Variants in NPAS2 observed in about 807,000 individuals in gnomAD.
NPAS2 encodes neuronal PAS domain protein 2.
Under a neutral mutation model 107.5 loss-of-function variants are expected in NPAS2, and 23 were observed. That is an observed-to-expected ratio of 0.21 (90% CI 0.15 to 0.30). NPAS2 has a LOEUF of 0.30. NPAS2 is among the 10% of genes least tolerant of loss of function. NPAS2 has a pLI of 1.00. For synonymous variants in NPAS2, 403 were observed against 417.5 expected (o/e 0.97, Z 0.42); for missense variants, 756 against 1,043.3 (o/e 0.72, Z 3.79).
At chr2:100,959,280 ATT>A (rs60973078) in intron 7 of NPAS2, among the ~76,000 whole-genome samples, 65 of 146,270 alleles carry the variant, frequency 4.4e-4, no homozygotes, top group East Asian at 1.8e-3. Flanking sequence ...AAAAAAAAAA[ATT>A]TTTTTGCAAA....
At chr2:100,833,347 A>C (rs777717572) in intron 1 of NPAS2, among the ~76,000 whole-genome samples, 3 of 152,220 alleles carry the variant, frequency 2.0e-5, no homozygotes, top group Non-Finnish European at 4.4e-5. Context: ...GAGTTTCATA[A>C]AAATGAAAAG....
At chr2:100,857,826 T>G (rs1420723830) in intron 1 of NPAS2, among the ~76,000 whole-genome samples, 1 of 152,234 alleles carries the variant, frequency 6.6e-6, no homozygotes, top group East Asian at 1.9e-4. Context: ...AACAACCACA[T>G]GTGTATATTT....
intron 2 of NPAS2, among the ~76,000 whole-genome samples, chr2:100,916,888 C>T (rs1682910608): frequency 6.6e-6 from 1 of 152,144 alleles, no homozygotes; most frequent in South Asian, 2.1e-4. Context: ...AATATCTCCA[C>T]ATCTTGGAAA....
At position 100,993,791 on chromosome 2, in the gene NPAS2, G is replaced by A. The variant is rs148121060; in HGVS notation, c.2292+264G>A. The A allele has an allele frequency of 8.6e-4, 328 of 380,596 alleles. 1 individual carries two copies. The highest frequency in any genetic ancestry group is 6.5e-3 in the African/African-American group (312 of 48,352). 23.6% of individuals were successfully genotyped at this position (380,596 alleles called of 1,614,324 possible). ...AAAAAGGTTCTTTTTTAAAAAAGTA[G>A]TTTCTACTCAAGGATTTGCATCTTG... On this transcript the variant is annotated intron_variant, in intron 20 of 20. Transcript: ENST00000335681.
intron 2 of NPAS2, among the ~76,000 whole-genome samples, chr2:100,906,673 C>A (rs1682167381): frequency 1.3e-5 from 2 of 152,150 alleles, no homozygotes; most frequent in South Asian, 4.1e-4. Context: ...TCACTGCAAC[C>A]TCCCTCTCCC....
At chr2:100,827,001 GTTATAC>G (rs1330896105) in intron 1 of NPAS2, among the ~76,000 whole-genome samples, 1 of 152,170 alleles carries the variant, frequency 6.6e-6, no homozygotes, top group Non-Finnish European at 1.5e-5. Flanking sequence ...CTACATAATA[GTTATAC>G]TTGTTTTGGG....
chr2:100,854,449 A>G (rs1678428060), intron 1 of NPAS2, among the ~76,000 whole-genome samples: 1 of 152,056 alleles, frequency 6.6e-6, no homozygotes, highest in Admixed American at 6.6e-5. Context: ...CCTTTTCATG[A>G]CCCCATCCTG....
chr2:100,821,053 A>T, intron 1 of NPAS2: 1 of 1,303,204 alleles, frequency 7.7e-7, no homozygotes, highest in Non-Finnish European at 1.0e-6. Flanking sequence ...TTGTTGGGAG[A>T]TGTGCCCCTT....
At chr2:100,871,430 A>C (rs1370032341) in intron 1 of NPAS2, among the ~76,000 whole-genome samples, 1 of 150,896 alleles carries the variant, frequency 6.6e-6, no homozygotes, top group Non-Finnish European at 1.5e-5. Flanking sequence ...TCCCAGATTC[A>C]AGCGATTCTT....
At chr2:100,944,067 C>T (rs1260034073) in intron 5 of NPAS2, among the ~76,000 whole-genome samples, 1 of 152,166 alleles carries the variant, frequency 6.6e-6, no homozygotes. Flanking sequence ...ACACTACCTT[C>T]TGAAAGCTTA....
intron 5 of NPAS2, among the ~76,000 whole-genome samples, chr2:100,946,794 T>C (rs1674923076): frequency 6.6e-6 from 1 of 151,600 alleles, no homozygotes; most frequent in African/African-American, 2.4e-5. Flanking sequence ...GCTGGAGAAA[T>C]AGAAGTGAAT....
chr2:100,826,303 A>G (rs950245572), intron 1 of NPAS2, among the ~76,000 whole-genome samples: 2 of 152,136 alleles, frequency 1.3e-5, no homozygotes, highest in Admixed American at 6.5e-5. Context: ...TTAGCTGGGC[A>G]TGGTGGCACA....
chr2:100,937,505 T>C (rs1388493897), intron 4 of NPAS2, among the ~76,000 whole-genome samples: 2 of 152,254 alleles, frequency 1.3e-5, no homozygotes, highest in African/African-American at 4.8e-5. Context: ...TGTTATTTGA[T>C]TATGCCACTA....
rs1573582922 is a variant in NPAS2, at chr2:100,902,729, A to G, written c.-22-2004A>G. Among the ~76,000 whole-genome samples, 5 of 152,330 alleles carry G rather than the reference A, an allele frequency of 3.3e-5. 1 individual carries two copies. The highest frequency in any genetic ancestry group is 3.3e-4 in the Admixed American group (5 of 15,304). ...AATTTCTGAGGTGTATTTTATCACA[A>G]TTTTTTAAGTGAAAAAATAACATGG... On this transcript the variant is annotated intron_variant, in intron 1 of 20. Coordinates refer to ENST00000335681, the MANE Select transcript of NPAS2 (RefSeq NM_002518.4).
chr2:100,929,771 C>T (rs982511161), intron 3 of NPAS2, among the ~76,000 whole-genome samples: 1 of 152,098 alleles, frequency 6.6e-6, no homozygotes, highest in Non-Finnish European at 1.5e-5. Context: ...TTTTTAAGGC[C>T]CCCAGGTGAT....
At chr2:100,865,541 G>A (rs1026763414) in intron 1 of NPAS2, among the ~76,000 whole-genome samples, 3 of 152,120 alleles carry the variant, frequency 2.0e-5, no homozygotes, top group Non-Finnish European at 4.4e-5. Context: ...TGCTCAAGTC[G>A]GGTAACCTGG....
At chr2:100,957,459 A>G (rs1675636531) in intron 7 of NPAS2, among the ~76,000 whole-genome samples, 1 of 152,250 alleles carries the variant, frequency 6.6e-6, no homozygotes, top group African/African-American at 2.4e-5. Context: ...CTTGTAACAG[A>G]TACTTTAAAC....
intron 13 of NPAS2, 147 bp downstream of exon 13, chr2:100,975,091 C>T (rs1676887386): frequency 8.9e-6 from 7 of 783,030 alleles, no homozygotes; most frequent in Non-Finnish European, 1.4e-5. Flanking sequence ...CCTTTCCTTT[C>T]CCAGACTTCC....
chr2:100,850,124 A>G (rs1678072555), intron 1 of NPAS2, among the ~76,000 whole-genome samples: 1 of 152,060 alleles, frequency 6.6e-6, no homozygotes, highest in South Asian at 2.1e-4. Context: ...ACATACTGAC[A>G]GATTTGAGTT....
Sources: gnomAD v4.1 joint callset for allele counts (sites outside exome capture counted in the v4.1 genomes callset) on GRCh38, gnomAD v4.1.1 for gene constraint, MANE v1.5 for transcripts, NCBI Gene and HGNC (gene_info 2026-07-23, HGNC 2026-07-21) for gene names.